Variants in ADAMTS9 observed in about 807,000 individuals in gnomAD.
The protein encoded by ADAMTS9 is A disintegrin and metalloproteinase with thrombospondin motifs 9.
Under a neutral mutation model 257.1 loss-of-function variants are expected in ADAMTS9, and 107 were observed. The ratio of observed to expected loss-of-function variants is 0.42; its 90% CI spans 0.36 to 0.49. The LOEUF (loss-of-function observed/expected upper bound fraction) is 0.49, where lower values mean the gene tolerates loss of function less well. ADAMTS9 is among the 20% of genes least tolerant of loss of function. The pLI is 0.03. For synonymous variants in ADAMTS9, 982 were observed against 880.9 expected (o/e 1.11, Z -2.03); for missense variants, 2,353 against 2,469.1 (o/e 0.95, Z 1.00).
intron 3 of ADAMTS9, among the ~76,000 whole-genome samples, chr3:64,676,328 C>A (rs1701624396): frequency 6.6e-6 from 1 of 152,150 alleles, no homozygotes; most frequent in Non-Finnish European, 1.5e-5. Context: ...ATCCCTGTTT[C>A]ATTTTATCTG....
At chr3:64,611,894 A>C (rs2084671468) in intron 22 of ADAMTS9, among the ~76,000 whole-genome samples, 1 of 152,338 alleles carries the variant, frequency 6.6e-6, no homozygotes, top group South Asian at 2.1e-4. Flanking sequence ...TGGTAGTTGC[A>C]AAACATTAAG....
chr3:64,552,787 G>A (rs2083286299), intron 30 of ADAMTS9, among the ~76,000 whole-genome samples: 1 of 152,074 alleles, frequency 6.6e-6, no homozygotes, highest in Non-Finnish European at 1.5e-5. Flanking sequence ...GAACTCCTGG[G>A]TTTAAGGGAT....
intron 30 of ADAMTS9, among the ~76,000 whole-genome samples, chr3:64,556,539 C>G (rs945512295): frequency 2.6e-5 from 4 of 152,128 alleles, no homozygotes; most frequent in Middle Eastern, 3.2e-3. Context: ...CTAGGCTGGT[C>G]TCAAACTCTG....
chr3:64,584,175 A>C (rs1158098703), intron 28 of ADAMTS9: 1 of 152,144 alleles, frequency 6.6e-6, no homozygotes, highest in Non-Finnish European at 1.5e-5. Flanking sequence ...AAATGCTTTC[A>C]TTTTCAAAGG....
chr3:64,619,413 T>C (rs1472759726), intron 19 of ADAMTS9, among the ~76,000 whole-genome samples: 2 of 152,172 alleles, frequency 1.3e-5, no homozygotes, highest in South Asian at 2.1e-4. Context: ...AAAATAACTC[T>C]CTCCTAGGAT....
At chr3:64,648,962 G>C (rs1700864467) in intron 10 of ADAMTS9, among the ~76,000 whole-genome samples, 1 of 152,056 alleles carries the variant, frequency 6.6e-6, no homozygotes, top group Non-Finnish European at 1.5e-5. Flanking sequence ...CAATTCACCA[G>C]GCAATCTCTG....
intron 3 of ADAMTS9, among the ~76,000 whole-genome samples, chr3:64,676,141 T>C (rs1374927759): frequency 6.6e-6 from 1 of 152,136 alleles, no homozygotes; most frequent in African/African-American, 2.4e-5. Context: ...CCCAAAGAAG[T>C]AGACACAAGG....
At chr3:64,561,818 G>A (rs2083431575) in intron 29 of ADAMTS9, 67 bp from the exon 30 acceptor site, 1 of 1,380,616 alleles carries the variant, frequency 7.2e-7, no homozygotes, top group Non-Finnish European at 1.0e-6. Flanking sequence ...GGGGGGTGTC[G>A]AGGGTCACAG....
intron 30 of ADAMTS9, among the ~76,000 whole-genome samples, chr3:64,556,459 T>G (rs1200872751): frequency 6.6e-6 from 1 of 152,202 alleles, no homozygotes; most frequent in Non-Finnish European, 1.5e-5. Flanking sequence ...TAGCTGGAAC[T>G]ACAGGTCCAT....
chr3:64,520,810 A>G (rs1441719823), intron 39 of ADAMTS9, among the ~76,000 whole-genome samples: 2 of 152,206 alleles, frequency 1.3e-5, no homozygotes, highest in African/African-American at 4.8e-5. Flanking sequence ...GATACATTAA[A>G]GACTTAAATG....
chr3:64,680,777 G>C (rs766569231), intron 3 of ADAMTS9, among the ~76,000 whole-genome samples: 36 of 152,072 alleles, frequency 2.4e-4, no homozygotes, highest in Admixed American at 1.1e-3. Flanking sequence ...AGACATTTCT[G>C]TAACCCTACA....
rs75938827 is a variant in ADAMTS9, at chr3:64,522,245, C to T, written c.5734G>A (p.Val1912Ile). Residue 1912 changes from valine (V) to isoleucine (I), a missense_variant, in exon 39 of 40, where the codon GTA becomes ATA. Physicochemically the swap from Val to Ile is conservative, Grantham distance 29 (BLOSUM62 3). Transcript: ENST00000498707. ...CCACAGTAACCACCGCATTTCCCTA[C>T]GACTCGGGTACCATCCTGCAAGGAG... ...IKKSPDGTRV[V>I]GKCGGYCGKC... 3,273 of 1,614,032 alleles carry T rather than the reference C, an allele frequency of 2.0e-3. 2 individuals are homozygous for T. Among genetic ancestry groups the T allele is most frequent in the African/African-American group, 3.1e-3 (230 of 75,044 alleles).
intron 19 of ADAMTS9, among the ~76,000 whole-genome samples, chr3:64,619,568 T>C (rs1700055022): frequency 6.6e-6 from 1 of 152,078 alleles, no homozygotes; most frequent in South Asian, 2.1e-4. Context: ...AATCATAATG[T>C]TGTTTGAAGA....
chr3:64,630,754 T>C (rs753654908), intron 16 of ADAMTS9, among the ~76,000 whole-genome samples: 1 of 152,132 alleles, frequency 6.6e-6, no homozygotes, highest in Non-Finnish European at 1.5e-5. Context: ...CCCGCACATC[T>C]TGAACATGTA....
At chr3:64,640,752 A>G (rs1700616317) in intron 12 of ADAMTS9, among the ~76,000 whole-genome samples, 1 of 152,160 alleles carries the variant, frequency 6.6e-6, no homozygotes, top group South Asian at 2.1e-4. Context: ...TCAACTATGT[A>G]TGTCTTAGAT....
At position 64,681,192 on chromosome 3, in the gene ADAMTS9, A is replaced by C; in HGVS notation, c.679+9T>G. The stretch of plus-strand genomic sequence containing the variant: ...AGCTGGGCTCTCCGCTTAAGCAAGA[A>C]GCAAATACCTGAGGTGTCACATGCA... On this transcript the variant is annotated intron_variant, in intron 3 of 39. Coordinates refer to ENST00000498707, the MANE Select transcript of ADAMTS9 (RefSeq NM_182920.2). 1.2e-6 allele frequency: 2 copies of C among 1,609,654 alleles called. No homozygotes were observed. Among genetic ancestry groups the C allele is most frequent in the Non-Finnish European group, 1.7e-6 (2 of 1,178,648 alleles).
At chr3:64,571,339 T>G (rs1317385603) in intron 28 of ADAMTS9, among the ~76,000 whole-genome samples, 1 of 152,214 alleles carries the variant, frequency 6.6e-6, no homozygotes, top group Non-Finnish European at 1.5e-5. Flanking sequence ...ATAACCACAA[T>G]GCTTTATATA....
intron 19 of ADAMTS9, among the ~76,000 whole-genome samples, chr3:64,618,406 T>C (rs1034517645): frequency 2.0e-5 from 3 of 152,194 alleles, no homozygotes; most frequent in Non-Finnish European, 2.9e-5. Flanking sequence ...GAATTTAGAA[T>C]AGCTTAGTGT....
chr3:64,627,561 G>A (rs1700254761), intron 16 of ADAMTS9, among the ~76,000 whole-genome samples: 4 of 152,154 alleles, frequency 2.6e-5, no homozygotes, highest in Admixed American at 6.5e-5. Flanking sequence ...AGCTCAACAG[G>A]AGGAAGGGGT....
Sources: gnomAD v4.1 joint callset for allele counts (sites outside exome capture counted in the v4.1 genomes callset) on GRCh38, gnomAD v4.1.1 for gene constraint, MANE v1.5 for transcripts, NCBI Gene and HGNC (gene_info 2026-07-23, HGNC 2026-07-21) for gene names.